The following THRB variants were observed in gnomAD, a reference collection of about 807,000 sequenced individuals.
The protein encoded by THRB is nuclear receptor subfamily 1 group A member 2.
A neutral mutation model predicts 47.8 loss-of-function variants in THRB; 12 were observed. That is an observed-to-expected ratio of 0.25 (90% CI 0.16 to 0.41). THRB has a LOEUF of 0.41. THRB is among the 10% of genes least tolerant of loss of function. The pLI is 1.00. For synonymous variants in THRB, 218 were observed against 212.2 expected (o/e 1.03, Z -0.24); for missense variants, 348 against 589.2 (o/e 0.59, Z 4.24).
At chr3:24,199,509 G>A (rs1390931146) in intron 4 of THRB, among the ~76,000 whole-genome samples, 4 of 152,178 alleles carry the variant, frequency 2.6e-5, no homozygotes, top group African/African-American at 9.7e-5. Context: ...TTAAGTGGGT[G>A]AGATTTGGGA....
chr3:24,362,637 C>T (rs1213290998), intron 1 of THRB, among the ~76,000 whole-genome samples: 1 of 152,136 alleles, frequency 6.6e-6, no homozygotes, highest in Non-Finnish European at 1.5e-5. Context: ...ATTATAGTGT[C>T]TCCAGTGCCT....
At chr3:24,176,307 G>C (rs1447924047) in intron 5 of THRB, among the ~76,000 whole-genome samples, 2 of 152,080 alleles carry the variant, frequency 1.3e-5, no homozygotes, top group African/African-American at 4.8e-5. Context: ...AATTCACAAT[G>C]ATCGACTTGA....
intron 1 of THRB, among the ~76,000 whole-genome samples, chr3:24,351,303 C>T (rs940496678): frequency 9.2e-5 from 14 of 151,996 alleles, no homozygotes; most frequent in African/African-American, 2.9e-4. Flanking sequence ...CTGAAAGTTA[C>T]GTAAAGGATA....
intron 5 of THRB, among the ~76,000 whole-genome samples, chr3:24,175,272 A>T (rs1264892926): frequency 6.6e-6 from 1 of 152,162 alleles, no homozygotes; most frequent in Non-Finnish European, 1.5e-5. Context: ...TTACTATTCC[A>T]AGCCCTTTCT....
chr3:24,233,567 GAAAGAAAGAAAGA>G (rs2048494300), intron 3 of THRB, among the ~76,000 whole-genome samples: 5 of 135,622 alleles, frequency 3.7e-5, no homozygotes, highest in African/African-American at 1.4e-4. Flanking sequence ...AAGGAAGAAA[GAAAGAAAGAAAGA>G]AAGAAAGAAA....
At chr3:24,394,824 A>C (rs945349440) in intron 1 of THRB, among the ~76,000 whole-genome samples, 4 of 152,086 alleles carry the variant, frequency 2.6e-5, no homozygotes, top group African/African-American at 4.8e-5. Flanking sequence ...TTAATTCCTA[A>C]GTGTCCCCCT....
At chr3:24,315,530 G>A (rs928559582) in intron 2 of THRB, among the ~76,000 whole-genome samples, 3 of 152,140 alleles carry the variant, frequency 2.0e-5, no homozygotes, top group African/African-American at 7.2e-5. Flanking sequence ...ACTACTCCAG[G>A]CTGCTCTCTC....
intron 3 of THRB, among the ~76,000 whole-genome samples, chr3:24,261,436 T>A (rs1053401350): frequency 6.9e-6 from 1 of 145,206 alleles, no homozygotes; most frequent in Non-Finnish European, 1.5e-5. Context: ...GAGATGGAGG[T>A]TGCAGTGAGC....
At chr3:24,139,503 C>A (rs893228274) in intron 8 of THRB, among the ~76,000 whole-genome samples, 4 of 151,956 alleles carry the variant, frequency 2.6e-5, no homozygotes, top group African/African-American at 9.7e-5. Flanking sequence ...TCTACCTCAG[C>A]CTCCTGAGTA....
chr3:24,243,571 G>A (rs1195091555), intron 3 of THRB, among the ~76,000 whole-genome samples: 1 of 152,052 alleles, frequency 6.6e-6, no homozygotes, highest in Non-Finnish European at 1.5e-5. Flanking sequence ...TTCTCGGGAT[G>A]CCTATTTGAA....
intron 3 of THRB, among the ~76,000 whole-genome samples, chr3:24,276,550 G>A (rs2053932706): frequency 6.6e-6 from 1 of 152,166 alleles, no homozygotes; most frequent in Non-Finnish European, 1.5e-5. Flanking sequence ...CATTGGTGAA[G>A]GTATGAGGAA....
chr3:24,357,455 TA>T (rs2149605392), intron 1 of THRB, among the ~76,000 whole-genome samples: 1 of 150,692 alleles, frequency 6.6e-6, no homozygotes, highest in East Asian at 1.9e-4. Flanking sequence ...TAAAAAAATT[TA>T]AAAAGTTCAA....
At chr3:24,222,807 G>C (rs928883340) in intron 4 of THRB, among the ~76,000 whole-genome samples, 3 of 152,180 alleles carry the variant, frequency 2.0e-5, no homozygotes, top group Non-Finnish European at 4.4e-5. Flanking sequence ...CAACAGTAGA[G>C]CTAGCTATTT....
Position 24,190,187 on chromosome 3 carries a change from T to C in THRB, c.170A>G (p.His57Arg), listed in dbSNP as rs1415456382. Residue 57 changes from histidine to arginine, a missense_variant, in exon 5 of 11, where the codon CAT (histidine) becomes CGT (arginine). His to Arg is a conservative substitution (Grantham distance 29). This residue lies in a region of THRB where 148 missense variants were observed against 122.3 expected (regional missense o/e 1.21). Transcript: ENST00000646209. The stretch of plus-strand genomic sequence containing the variant: ...GCTAGTCCAAGTGGTCTGGATGAGA[T>C]GTGGCGACGACTGTTCATTTTTCAA... ...STLKNEQSSPHLIQTTWTSSI... is the reference protein window; with the variant it reads ...STLKNEQSSPRLIQTTWTSSI... 3 of 1,614,028 alleles carry C rather than the reference T, an allele frequency of 1.9e-6. No individual in the cohort carries two copies. Among genetic ancestry groups the C allele is most frequent in the African/African-American group, 1.3e-5 (1 of 74,928 alleles).
intron 3 of THRB, among the ~76,000 whole-genome samples, chr3:24,296,292 G>C (rs189809546): frequency 2.6e-4 from 40 of 152,304 alleles, no homozygotes; most frequent in African/African-American, 9.4e-4. Context: ...TATTTGGATG[G>C]AATAAGATCT....
intron 4 of THRB, among the ~76,000 whole-genome samples, chr3:24,218,780 G>A (rs981249352): frequency 6.6e-6 from 1 of 152,140 alleles, no homozygotes; most frequent in African/African-American, 2.4e-5. Flanking sequence ...CCCCAAGTGA[G>A]TTAAACATGT....
intron 3 of THRB, among the ~76,000 whole-genome samples, chr3:24,245,104 T>C (rs1349047460): frequency 6.6e-6 from 1 of 152,166 alleles, no homozygotes; most frequent in African/African-American, 2.4e-5. Context: ...AGAAGACTCT[T>C]GGGGACTGCT....
chr3:24,423,329 G>A (rs552182229), intron 1 of THRB, among the ~76,000 whole-genome samples: 1 of 151,954 alleles, frequency 6.6e-6, no homozygotes, highest in South Asian at 2.1e-4. Flanking sequence ...GGAAGGATGA[G>A]AGAACACTTC....
chr3:24,146,941 G>T, intron 6 of THRB, 119 bp from the exon 7 acceptor site: 1 of 824,586 alleles, frequency 1.2e-6, no homozygotes, highest in Non-Finnish European at 2.0e-6. Context: ...CCTGTTTCTA[G>T]GCCTCTAGCT....
Sources: allele counts gnomAD v4.1 joint callset (sites outside exome capture counted in the v4.1 genomes callset), GRCh38; gene constraint gnomAD v4.1.1; regional missense constraint gnomAD v4.1.1; transcripts MANE v1.5; gene names NCBI Gene and HGNC (gene_info 2026-07-23, HGNC 2026-07-21).